ATRNL1: variants seen among roughly 807,000 people sequenced by gnomAD.
ATRNL1 encodes attractin like 1.
A neutral mutation model predicts 182.7 loss-of-function variants in ATRNL1; 95 were observed. That is an observed-to-expected ratio of 0.52 (90% CI 0.44 to 0.62). The LOEUF (loss-of-function observed/expected upper bound fraction) is 0.62, where lower values mean the gene tolerates loss of function less well. Among genes scored for constraint, ATRNL1 ranks in the 20% least tolerant of loss-of-function variants. ATRNL1 has a pLI of 0.00. For missense variants in ATRNL1, 1,471 were observed against 1,679.5 expected, an observed-to-expected ratio of 0.88 and a Z score of 2.17; for synonymous variants, 576 against 568.3, an observed-to-expected ratio of 1.01 and a Z score of -0.19.
chr10:115,909,629 A>T (rs1952613131), intron 28 of ATRNL1: 1 of 26,102 alleles, frequency 3.8e-5, no homozygotes, highest in Non-Finnish European at 2.3e-4. Flanking sequence ...GTTAAAAAAA[A>T]AAAAAAAAAA....
chr10:115,236,394 T>G (rs982998287), intron 9 of ATRNL1, among the ~76,000 whole-genome samples: 11 of 152,186 alleles, frequency 7.2e-5, no homozygotes, highest in Admixed American at 7.2e-4. Context: ...TGCCTTCCCC[T>G]CTTTCACATT....
chr10:115,659,084 G>T (rs1860515031), intron 26 of ATRNL1, among the ~76,000 whole-genome samples: 1 of 151,946 alleles, frequency 6.6e-6, no homozygotes, highest in Non-Finnish European at 1.5e-5. Context: ...TCACACATAG[G>T]GATTATGGGA....
At chr10:115,909,155 G>A (rs551903741) in intron 28 of ATRNL1, among the ~76,000 whole-genome samples, 3 of 151,224 alleles carry the variant, frequency 2.0e-5, no homozygotes, top group East Asian at 3.9e-4. Flanking sequence ...CCCCCTAGGC[G>A]CAATCCCCCT....
At chr10:115,279,201 CAAAAAA>C (rs1156356544) in intron 13 of ATRNL1, among the ~76,000 whole-genome samples, 8 of 109,446 alleles carry the variant, frequency 7.3e-5, no homozygotes, top group African/African-American at 2.1e-4. Context: ...GACTCTGTCT[CAAAAAA>C]AAAAAAAATA....
chr10:115,879,676 T>C (rs1411341778), intron 28 of ATRNL1, among the ~76,000 whole-genome samples: 8 of 152,232 alleles, frequency 5.3e-5, no homozygotes, highest in African/African-American at 1.9e-4. Context: ...GTCACTTAGC[T>C]GCTTTAAATC....
chr10:115,607,784 C>T lies in ATRNL1; in HGVS notation c.3795+58248C>T, dbSNP rs1856944327. ...TACTGATAATGTAATTAAATATTCA[C>T]TGCTTCTGGATTAGCATTTCTAAAT... is the stretch of plus-strand genomic sequence containing the variant. On this transcript the variant is annotated intron_variant, in intron 26 of 28. Transcript: ENST00000355044. 2.0e-5 allele frequency among the ~76,000 whole-genome samples: 3 copies of T among 151,882 alleles called. No homozygotes were observed. In the South Asian group the frequency reaches 6.2e-4, roughly 31 times the overall value.
chr10:115,625,404 A>G (rs1206256615), intron 26 of ATRNL1, among the ~76,000 whole-genome samples: 3 of 152,146 alleles, frequency 2.0e-5, no homozygotes, highest in Admixed American at 6.5e-5. Flanking sequence ...GTATTTCCAC[A>G]CTCATAATTT....
chr10:115,179,554 A>G (rs1847666398), intron 8 of ATRNL1, among the ~76,000 whole-genome samples: 1 of 152,084 alleles, frequency 6.6e-6, no homozygotes, highest in Non-Finnish European at 1.5e-5. Context: ...TAGATACTTT[A>G]TAATTGTTTT....
intron 8 of ATRNL1, among the ~76,000 whole-genome samples, chr10:115,212,174 C>T (rs1204972916): frequency 6.6e-6 from 1 of 151,804 alleles, no homozygotes; most frequent in Admixed American, 6.6e-5. Context: ...ACCCCTTGCC[C>T]CACTCCCTCT....
intron 14 of ATRNL1, among the ~76,000 whole-genome samples, chr10:115,282,979 A>T (rs1442856060): frequency 7.9e-5 from 12 of 151,026 alleles, no homozygotes; most frequent in Middle Eastern, 6.8e-3. Flanking sequence ...CTAGCCCCCT[A>T]CCCCCACTTT....
intron 20 of ATRNL1, among the ~76,000 whole-genome samples, chr10:115,403,571 T>C (rs1424718157): frequency 7.3e-6 from 1 of 137,048 alleles, no homozygotes; most frequent in Non-Finnish European, 1.6e-5. Flanking sequence ...TTCTCATGCC[T>C]CAGCCTCCTG....
At chr10:115,144,583 G>T in intron 5 of ATRNL1, among the ~76,000 whole-genome samples, 1 of 152,154 alleles carries the variant, frequency 6.6e-6, no homozygotes, top group East Asian at 1.9e-4. Context: ...GTGAGCCACC[G>T]TGCCTGGGCC....
chr10:115,262,769 A>G (rs1013181747), intron 10 of ATRNL1, among the ~76,000 whole-genome samples: 2 of 152,138 alleles, frequency 1.3e-5, no homozygotes, highest in Non-Finnish European at 2.9e-5. Context: ...CAAATAACCT[A>G]TACATGTGAA....
chr10:115,538,921 A>G (rs1305266037), intron 25 of ATRNL1, among the ~76,000 whole-genome samples: 4 of 152,232 alleles, frequency 2.6e-5, no homozygotes, highest in African/African-American at 9.6e-5. Flanking sequence ...TTAGATACAC[A>G]AAAACCATTG....
intron 27 of ATRNL1, among the ~76,000 whole-genome samples, chr10:115,744,557 T>C (rs967432326): frequency 6.6e-6 from 1 of 152,122 alleles, no homozygotes; most frequent in African/African-American, 2.4e-5. Flanking sequence ...CAGAATACTT[T>C]TAATTCATCT....
chr10:115,164,589 A>G (rs1416154583), intron 6 of ATRNL1, among the ~76,000 whole-genome samples: 4 of 152,196 alleles, frequency 2.6e-5, no homozygotes, highest in African/African-American at 9.6e-5. Context: ...GTGTCCATCA[A>G]CTGATAAATT....
At chr10:115,211,313 A>ATTCATACTTTAC (rs1427204493) in intron 8 of ATRNL1, among the ~76,000 whole-genome samples, 33 of 151,472 alleles carry the variant, frequency 2.2e-4, no homozygotes, top group South Asian at 4.2e-4. Context: ...TGGAGGTAGA[A>ATTCATACTTTAC]TTCATACTTT....
rs1847269138 is a variant in ATRNL1 at position 115,171,037 on chromosome 10, G to A, written c.1093G>A (p.Glu365Lys). The A allele has an allele frequency of 1.3e-6, 2 of 1,518,856 alleles. No individual in the cohort carries two copies. The highest frequency in any genetic ancestry group is 2.7e-5 in the South Asian group (2 of 73,056). 94.1% of individuals were successfully genotyped at this position (1,518,856 alleles called of 1,614,324 possible). ...TTAATATATGTATTTTAATTTACAG[G>A]AAAACATCTTTATGTATGGAGGCAG... ...RYGHSLALYQENIFMYGGRIE... is the reference protein window; with the variant it reads ...RYGHSLALYQKNIFMYGGRIE... Residue 365 changes from glutamate to lysine, a missense_variant and splice_region_variant, in exon 8 of 29, where the codon GAA (glutamate) becomes AAA (lysine). Physicochemically the swap from Glu to Lys is moderately conservative, Grantham distance 56. Coordinates refer to ENST00000355044, the MANE Select transcript of ATRNL1 (RefSeq NM_207303.4).
At chr10:115,134,722 G>A (rs540981055) in intron 5 of ATRNL1, among the ~76,000 whole-genome samples, 1 of 152,126 alleles carries the variant, frequency 6.6e-6, no homozygotes, top group South Asian at 2.1e-4. Flanking sequence ...GCCTGGCAGA[G>A]ACACAACAAA....
Sources: gnomAD v4.1 joint callset for allele counts (sites outside exome capture counted in the v4.1 genomes callset) on GRCh38, gnomAD v4.1.1 for gene constraint, MANE v1.5 for transcripts, NCBI Gene and HGNC (gene_info 2026-07-23, HGNC 2026-07-21) for gene names.